The following AKAP19 variants were observed in gnomAD, a reference collection of about 807,000 sequenced individuals.
The protein encoded by AKAP19 is A-kinase anchoring protein 19, also known as small A-kinase anchoring protein.
chr2:190,202,403 C>G, the AKAP19 span: 1 of 166,702 alleles, frequency 6.0e-6, no homozygotes, highest in Admixed American at 6.6e-5. Flanking sequence ...TAAATCAAGA[C>G]AGGAGCAAAT....
the AKAP19 span, among the ~76,000 whole-genome samples, chr2:190,196,314 C>CTATCT: frequency 6.6e-6 from 1 of 152,040 alleles, no homozygotes; most frequent in Non-Finnish European, 1.5e-5. Flanking sequence ...TTCACTAATC[C>CTATCT]TATCTTTTCC....
At chr2:190,078,078 C>T in the AKAP19 span, among the ~76,000 whole-genome samples, 1 of 152,256 alleles carries the variant, frequency 6.6e-6, no homozygotes, top group African/African-American at 2.4e-5. Flanking sequence ...CCTCTAGAGC[C>T]TTTCTTTGCA....
chr2:189,938,228 T>A, the AKAP19 span, among the ~76,000 whole-genome samples: 1 of 150,988 alleles, frequency 6.6e-6, no homozygotes, highest in Admixed American at 6.6e-5. Context: ...CCCAGCTACT[T>A]GGGAGGCTGA....
the AKAP19 span, among the ~76,000 whole-genome samples, chr2:190,062,937 A>G: frequency 6.6e-6 from 1 of 152,216 alleles, no homozygotes; most frequent in South Asian, 2.1e-4. Flanking sequence ...TCTACAAATA[A>G]TAAAAGATAT....
chr2:190,109,355 T>A, the AKAP19 span, among the ~76,000 whole-genome samples: 1 of 148,730 alleles, frequency 6.7e-6, no homozygotes, highest in Non-Finnish European at 1.5e-5. Context: ...TTTTCTCAGC[T>A]TTTTTTTTTC....
chr2:190,025,860 C>T, the AKAP19 span, among the ~76,000 whole-genome samples: 1 of 152,156 alleles, frequency 6.6e-6, no homozygotes, highest in East Asian at 1.9e-4. Context: ...TGGAGCTGTA[C>T]AGTATATAGC....
At chr2:190,049,144 A>G in the AKAP19 span, among the ~76,000 whole-genome samples, 1 of 152,174 alleles carries the variant, frequency 6.6e-6, no homozygotes, top group African/African-American at 2.4e-5. Context: ...CTTGGAATAA[A>G]GAGTTGCAGT....
At chr2:189,901,865 A>G in the AKAP19 span, among the ~76,000 whole-genome samples, 1 of 152,006 alleles carries the variant, frequency 6.6e-6, no homozygotes. Context: ...GTATGTTTGC[A>G]TTTTTCTTTC....
the AKAP19 span, among the ~76,000 whole-genome samples, chr2:190,082,495 T>G: frequency 6.6e-6 from 1 of 152,264 alleles, no homozygotes; most frequent in African/African-American, 2.4e-5. Context: ...GAATTTATTC[T>G]GTTATATACA....
At chr2:189,922,151 G>C in the AKAP19 span, among the ~76,000 whole-genome samples, 5 of 152,082 alleles carry the variant, frequency 3.3e-5, no homozygotes, top group Admixed American at 1.3e-4. Flanking sequence ...AATAATAAGA[G>C]AAACCTTAAA....
the AKAP19 span, among the ~76,000 whole-genome samples, chr2:189,971,610 A>G: frequency 1.3e-5 from 2 of 152,164 alleles, no homozygotes; most frequent in Non-Finnish European, 2.9e-5. Flanking sequence ...ACAGTGTAAA[A>G]GTGTTCCTAT....
the AKAP19 span, among the ~76,000 whole-genome samples, chr2:190,053,598 C>T: frequency 6.6e-6 from 1 of 152,090 alleles, no homozygotes; most frequent in Non-Finnish European, 1.5e-5. Context: ...AACTGAATGA[C>T]CATGCAAATG....
chr2:189,973,542 T>C, the AKAP19 span, among the ~76,000 whole-genome samples: 1 of 152,210 alleles, frequency 6.6e-6, no homozygotes, highest in Non-Finnish European at 1.5e-5. Flanking sequence ...TTGATTGGAA[T>C]AGTTTCAGAA....
chr2:189,969,326 G>A, the AKAP19 span, among the ~76,000 whole-genome samples: 1 of 152,142 alleles, frequency 6.6e-6, no homozygotes, highest in Non-Finnish European at 1.5e-5. Flanking sequence ...GCTCTCACCA[G>A]ACGCTGAATC....
the AKAP19 span, among the ~76,000 whole-genome samples, chr2:190,019,149 C>A: frequency 6.6e-6 from 1 of 152,124 alleles, no homozygotes; most frequent in Non-Finnish European, 1.5e-5. Context: ...GTTTGCCTCC[C>A]GGCCTGTGTA....
chr2:190,196,660 A>ATTGT, the AKAP19 span, among the ~76,000 whole-genome samples: 3 of 151,592 alleles, frequency 2.0e-5, no homozygotes, highest in Non-Finnish European at 4.4e-5. Context: ...TTTAAATGGT[A>ATTGT]TTGTTTTATT....
the AKAP19 span, among the ~76,000 whole-genome samples, chr2:190,126,213 T>C: frequency 7.1e-6 from 1 of 139,930 alleles, no homozygotes; most frequent in Non-Finnish European, 1.5e-5. Flanking sequence ...ATTGCTTGAA[T>C]CCTGGAGGTG....
the AKAP19 span, chr2:190,150,596 C>CCTTT: frequency 6.5e-6 from 1 of 153,788 alleles, no homozygotes; most frequent in East Asian, 1.9e-4. Flanking sequence ...CCACTTCCTT[C>CCTTT]AGAGGGTGTG....
chr2:189,925,614 T>A, the AKAP19 span, among the ~76,000 whole-genome samples: 2 of 152,046 alleles, frequency 1.3e-5, no homozygotes, highest in Non-Finnish European at 2.9e-5. Context: ...TCAGGAACAG[T>A]TGAGGATAGG....
Sources: allele counts gnomAD v4.1 joint callset (sites outside exome capture counted in the v4.1 genomes callset), GRCh38; gene constraint gnomAD v4.1.1; transcripts MANE v1.5; gene names NCBI Gene and HGNC (gene_info 2026-07-23, HGNC 2026-07-21).